PPL: variants seen among roughly 807,000 people sequenced by gnomAD.
PPL encodes the protein 190 kDa paraneoplastic pemphigus antigen.
PPL carries 198 observed loss-of-function variants against 194.4 expected under a neutral mutation model. The ratio of observed to expected loss-of-function variants is 1.02; its 90% CI spans 0.91 to 1.15. The LOEUF (loss-of-function observed/expected upper bound fraction) is 1.15. Among genes scored for constraint, PPL ranks in the 50% most tolerant of loss-of-function variants. The pLI, the probability that PPL is intolerant of heterozygous loss-of-function variation, is 0.00. For synonymous variants in PPL, 1,220 were observed against 972.4 expected (o/e 1.25, Z -4.74); for missense variants, 2,885 against 2,294.8 (o/e 1.26, Z -5.25).
At position 4,937,022 on chromosome 16, in the gene PPL, T is replaced by G. The variant is rs747080640; in HGVS notation, c.24A>C (p.Arg8Ser). The stretch of plus-strand genomic sequence containing the variant: ...CAGTGGGGCTGTATTTGCCTTTGTT[T>G]CTCTTCCTGAAGAGCGAGTTCATGG... MNSLFRKRNKGKYSPTVQ... is the reference protein window; with the variant it reads MNSLFRKSNKGKYSPTVQ... Residue 8 changes from arginine to serine, a missense_variant, in exon 1 of 22, where the codon AGA (arginine) becomes AGC (serine). Transcript: ENST00000345988. 1 of 1,528,304 alleles carries G rather than the reference T, an allele frequency of 6.5e-7. No individual in the cohort carries two copies. The highest frequency in any genetic ancestry group is 1.2e-5 in the South Asian group (1 of 81,334). The allele number at this position is 1,528,304 out of a possible 1,614,324, so 94.7% of individuals were successfully genotyped here.
At chr16:4,898,745 GTTTGT>G (rs992954566) in intron 8 of PPL, among the ~76,000 whole-genome samples, 4 of 152,210 alleles carry the variant, frequency 2.6e-5, no homozygotes, top group African/African-American at 9.6e-5. Context: ...AAGCCACTAA[GTTTGT>G]TTTAACTTGT....
chr16:4,921,869 G>T (rs2089057275), intron 1 of PPL, among the ~76,000 whole-genome samples: 1 of 116,872 alleles, frequency 8.6e-6, no homozygotes, highest in Non-Finnish European at 2.1e-5. Context: ...ACTGTGTGCT[G>T]TCCTGGCCGC....
rs1596548446 is a variant in PPL at position 4,892,136 on chromosome 16, G to T, written c.1728C>A (p.Ala576=). ...GGGGTGTGGTGCCACTGCCTGGGAG[G>T]GCCTGGATGAAGGCTTCGCCCTCAG... ...STAEGEAFIQ[A]LPGSGTTPLL... Residue 576 remains alanine, a synonymous_variant, in exon 15 of 22, where the codon GCC becomes GCA. Transcript: ENST00000345988. 5.0e-6 allele frequency: 8 copies of T among 1,613,686 alleles called. No individual in the cohort carries two copies. The highest frequency in any genetic ancestry group is 1.3e-5 in the African/African-American group (1 of 74,948).
intron 11 of PPL, 52 bp from the exon 12 acceptor site, chr16:4,894,670 G>T (rs575661773): frequency 6.3e-7 from 1 of 1,586,356 alleles, no homozygotes; most frequent in South Asian, 1.1e-5. Flanking sequence ...TGAGGGCCTG[G>T]GAGCCCGGTT....
intron 16 of PPL, among the ~76,000 whole-genome samples, 169 bp from the exon 17 acceptor site, chr16:4,891,090 A>G (rs1357093665): frequency 6.6e-6 from 1 of 152,248 alleles, no homozygotes; most frequent in Non-Finnish European, 1.5e-5. Flanking sequence ...CACTTCTGCC[A>G]TCTTCTGTTT....
At position 4,889,155 on chromosome 16, in the gene PPL, T is replaced by G. The variant is rs578057773; in HGVS notation, c.2314-94A>C. The G allele has an allele frequency of 5.0e-6, 5 of 997,592 alleles. No individual in the cohort carries two copies. The South Asian group carries it at 6.5e-5, about 13-fold the overall frequency. 61.8% of individuals were successfully genotyped at this position (997,592 alleles called of 1,614,324 possible). ...TAGCTGGAAATCTCAGAATCTGAATTTATTCTTCTCTAGCACAAAGTATGA... is the reference window on the plus strand; with the variant it reads ...TAGCTGGAAATCTCAGAATCTGAATGTATTCTTCTCTAGCACAAAGTATGA... On this transcript the variant is annotated intron_variant, in intron 18 of 21. Transcript: ENST00000345988.
rs1005070520 is a variant in PPL at position 4,902,401 on chromosome 16, C to T, written c.438+5G>A. The T allele has an allele frequency of 1.7e-5, 27 of 1,613,892 alleles. No individual in the cohort carries two copies. Among genetic ancestry groups the T allele is most frequent in the Non-Finnish European group, 2.3e-5 (27 of 1,179,882 alleles). ...CTGGAGCCAGCGGCCCCGTCCAGGC[C>T]ATACCAGCTTCTCCTCCACCAGTGC... On this transcript the variant is annotated splice_donor_5th_base_variant and intron_variant, in intron 4 of 21. Coordinates refer to ENST00000345988, the MANE Select transcript of PPL (RefSeq NM_002705.5). The surrounding 1 kb of genome is among the most constrained non-coding windows in gnomAD (Gnocchi z 4.0).
chr16:4,883,827 A>G lies in PPL; in HGVS notation c.4828T>C (p.Ser1610Pro). ...TVADSGTNHDSRLWSLERELD... is the reference protein window; with the variant it reads ...TVADSGTNHDPRLWSLERELD... ...TCCCTCTCCAGGGACCACAGTCTGG[A>G]GTCATGGTTGGTCCCAGAGTCCGCC... The change falls in exon 22 of 22, where the codon TCC becomes CCC. Residue 1610 changes from serine to proline, a missense_variant. By Grantham distance (74) the Ser-to-Pro change is moderately conservative. Coordinates refer to ENST00000345988, the MANE Select transcript of PPL (RefSeq NM_002705.5). The surrounding 1 kb of genome is among the most constrained non-coding windows in gnomAD (Gnocchi z 4.8). The G allele has an allele frequency of 6.2e-7, 1 of 1,613,956 alleles. No individual in the cohort carries two copies. The highest frequency in any genetic ancestry group is 1.1e-5 in the South Asian group (1 of 91,074).
At chr16:4,892,975 A>G (rs2088348179) in intron 14 of PPL, 1 of 475,756 alleles carries the variant, frequency 2.1e-6, no homozygotes, top group Non-Finnish European at 3.6e-6. Context: ...GCCAGGCGTC[A>G]GATCGACAAG....
chr16:4,893,638 G>A lies in PPL; in HGVS notation c.1395C>T (p.Ser465=), dbSNP rs2088363697. The part of the protein sequence containing the change: ...TDPEALALAD[S]LGSQYRSVRQ... ...GCACGCTCCGGTACTGGCTGCCCAG[G>A]CTGTGAGGACAGAAATGAGCTGGGA... Residue 465 remains serine, a splice_region_variant and synonymous_variant, in exon 13 of 22, where the codon AGC becomes AGT. Coordinates refer to ENST00000345988, the MANE Select transcript of PPL (RefSeq NM_002705.5). The A allele has an allele frequency of 6.3e-7, 1 of 1,583,496 alleles. No homozygotes were observed. Among genetic ancestry groups the A allele is most frequent in the Non-Finnish European group, 8.6e-7 (1 of 1,168,616 alleles).
chr16:4,929,918 C>T (rs1433404511), intron 1 of PPL, among the ~76,000 whole-genome samples: 1 of 151,810 alleles, frequency 6.6e-6, no homozygotes, highest in Non-Finnish European at 1.5e-5. Context: ...CAACTCCTGG[C>T]CTCAAGTCAT....
At position 4,910,865 on chromosome 16, in the gene PPL, C is replaced by T. The variant is rs200460600; in HGVS notation, c.147G>A (p.Glu49=). 19 of 1,614,018 alleles carry T rather than the reference C, an allele frequency of 1.2e-5. No homozygotes were observed. The highest frequency in any genetic ancestry group is 1.6e-4 in the Middle Eastern group (1 of 6,062). ...GGGCACTCACACTCTGCATCTTGGC[C>T]TCTGTGTCCACGATGTTCTTCTCCA... ...DQVEKNIVDT[E]AKMQSDLARL... The change falls in exon 2 of 22, where the codon GAG becomes GAA. Residue 49 remains glutamate, a synonymous_variant. Coordinates refer to ENST00000345988, the MANE Select transcript of PPL (RefSeq NM_002705.5).
chr16:4,895,224 T>G lies in PPL; in HGVS notation c.1242+37A>C, dbSNP rs2660246. 6.4e-6 allele frequency: 10 copies of G among 1,555,470 alleles called. No individual in the cohort carries two copies. In the South Asian group the frequency reaches 7.0e-5, roughly 11 times the overall value. Reference sequence around the variant, plus strand: ...ATCCAACCATGTTACCCCAAAAACTTTGTAGTGATGTGAACAGAGGAGCTG... The same window carrying G: ...ATCCAACCATGTTACCCCAAAAACTGTGTAGTGATGTGAACAGAGGAGCTG... On this transcript the variant is annotated intron_variant, in intron 11 of 21. Transcript: ENST00000345988.
intron 1 of PPL, among the ~76,000 whole-genome samples, chr16:4,936,724 G>A (rs1007732697): frequency 6.6e-6 from 1 of 152,116 alleles, no homozygotes; most frequent in Non-Finnish European, 1.5e-5. Context: ...GGCCCTCAAG[G>A]CAATGCTCCC....
intron 17 of PPL, 95 bp downstream of exon 17, chr16:4,890,633 A>G (rs930812676): frequency 1.6e-5 from 23 of 1,418,252 alleles, no homozygotes; most frequent in African/African-American, 2.9e-5. Context: ...AAAGAAAAAC[A>G]GCAAAATCTG....
Position 4,893,505 on chromosome 16 carries a change from C to T in PPL, c.1492+36G>A, listed in dbSNP as rs140914087. Reference sequence around the variant, plus strand: ...CTGGTCCAGCCCCTCCTCCCCGGTACCCCCAGAGCCTCAGGCGAGTGGCCC... The same window carrying T: ...CTGGTCCAGCCCCTCCTCCCCGGTATCCCCAGAGCCTCAGGCGAGTGGCCC... On this transcript the variant is annotated intron_variant, in intron 13 of 21. Coordinates refer to ENST00000345988, the MANE Select transcript of PPL (RefSeq NM_002705.5). The T allele has an allele frequency of 4.4e-3, 7,136 of 1,606,042 alleles. 25 individuals carry two copies. Among genetic ancestry groups the T allele is most frequent in the Non-Finnish European group, 5.7e-3 (6,666 of 1,175,922 alleles).
chr16:4,892,471 C>T (rs1448309158), intron 14 of PPL, among the ~76,000 whole-genome samples: 3 of 152,216 alleles, frequency 2.0e-5, no homozygotes, highest in Non-Finnish European at 4.4e-5. Flanking sequence ...CCTGTGCTGT[C>T]CTCAGCACTG....
intron 2 of PPL, among the ~76,000 whole-genome samples, chr16:4,904,907 G>T (rs1338018656): frequency 6.6e-6 from 1 of 152,190 alleles, no homozygotes; most frequent in East Asian, 1.9e-4. Context: ...AGGGGCCGTC[G>T]ATGGTTGCTG....
chr16:4,885,376 G>T lies in PPL; in HGVS notation c.3279C>A (p.Phe1093Leu). The stretch of plus-strand genomic sequence containing the variant: ...CTAGCCTCTTGAGCTTGTCCTGGAG[G>T]AAGCTCAGCTCCTCCTCCTGCTTCT... Reference protein sequence around the residue: ...LREKQEEELSFLQDKLKRLEK... With the variant: ...LREKQEEELSLLQDKLKRLEK... The change falls in exon 22 of 22, where the codon TTC (phenylalanine) becomes TTA (leucine). Residue 1093 changes from phenylalanine to leucine, a missense_variant. Phe to Leu is a conservative substitution (Grantham distance 22). Transcript: ENST00000345988. The surrounding 1 kb of genome is among the most constrained non-coding windows in gnomAD (Gnocchi z 6.3). The T allele has an allele frequency of 1.2e-6, 2 of 1,612,760 alleles. No homozygotes were observed. The highest frequency in any genetic ancestry group is 1.7e-6 in the Non-Finnish European group (2 of 1,179,960).
Sources: allele counts gnomAD v4.1 joint callset (sites outside exome capture counted in the v4.1 genomes callset), GRCh38; gene constraint gnomAD v4.1.1; non-coding constraint Gnocchi (gnomAD v3.1); transcripts MANE v1.5; gene names NCBI Gene and HGNC (gene_info 2026-07-23, HGNC 2026-07-21).